ADARB2: variants seen among roughly 807,000 people sequenced by gnomAD.
ADARB2 encodes adenosine deaminase RNA specific B2 (inactive), also known as inactive double-stranded RNA-specific editase B2.
A neutral mutation model predicts 62.2 loss-of-function variants in ADARB2; 25 were observed. The observed-to-expected ratio is 0.40, with a 90% CI of 0.29 to 0.56. ADARB2 has a LOEUF of 0.56. Ranked by LOEUF, ADARB2 falls within the 20% of genes least tolerant of loss-of-function variation. The pLI is 0.43. For synonymous variants in ADARB2, 572 were observed against 500.8 expected (o/e 1.14, Z -1.90); for missense variants, 1,071 against 1,077.4 (o/e 0.99, Z 0.08).
intron 1 of ADARB2, among the ~76,000 whole-genome samples, chr10:1,643,470 G>T (rs1443092015): frequency 3.9e-5 from 6 of 152,198 alleles, no homozygotes; most frequent in Non-Finnish European, 8.8e-5. Context: ...GTCACCTGGA[G>T]GGTGGCTGAT....
intron 1 of ADARB2, among the ~76,000 whole-genome samples, chr10:1,661,890 A>T (rs1834253364): frequency 6.6e-6 from 1 of 152,162 alleles, no homozygotes; most frequent in South Asian, 2.1e-4. Flanking sequence ...ACGGAACCGC[A>T]CTGCTGCTGG....
intron 3 of ADARB2, chr10:1,361,521 CA>C (rs1328048337): frequency 6.6e-6 from 1 of 152,144 alleles, no homozygotes; most frequent in Non-Finnish European, 1.5e-5. Flanking sequence ...GGATGTTCCA[CA>C]AGTACTTGAA....
At chr10:1,450,777 C>G (rs928110414) in intron 1 of ADARB2, among the ~76,000 whole-genome samples, 3 of 152,196 alleles carry the variant, frequency 2.0e-5, no homozygotes, top group African/African-American at 7.2e-5. Context: ...TTGGGGGCTG[C>G]AGGAGCATGC....
intron 2 of ADARB2, among the ~76,000 whole-genome samples, chr10:1,370,127 G>C (rs1832354787): frequency 6.6e-6 from 1 of 152,174 alleles, no homozygotes; most frequent in Admixed American, 6.5e-5. Context: ...TTTTATTCTA[G>C]AGATGCAAGG....
chr10:1,297,709 C>T (rs896596845), intron 3 of ADARB2, among the ~76,000 whole-genome samples: 7 of 152,318 alleles, frequency 4.6e-5, no homozygotes, highest in Non-Finnish European at 8.8e-5. Context: ...CTCATACAGC[C>T]TGTGTGCGCT....
intron 1 of ADARB2, among the ~76,000 whole-genome samples, chr10:1,732,183 T>C (rs919980007): frequency 6.6e-6 from 1 of 151,896 alleles, no homozygotes. Context: ...TATATACATA[T>C]ACATACATAC....
chr10:1,198,070 G>A (rs181302955), intron 8 of ADARB2, among the ~76,000 whole-genome samples: 5 of 152,368 alleles, frequency 3.3e-5, no homozygotes, highest in East Asian at 3.9e-4. Flanking sequence ...AGGATTCAGC[G>A]TTTGAGACAT....
chr10:1,207,855 T>TA (rs1837090289), intron 7 of ADARB2, among the ~76,000 whole-genome samples: 1 of 152,220 alleles, frequency 6.6e-6, no homozygotes, highest in Non-Finnish European at 1.5e-5. Flanking sequence ...TGATTAATCT[T>TA]AGAGACAAAA....
chr10:1,196,129 G>A (rs750423607), intron 8 of ADARB2, among the ~76,000 whole-genome samples: 24 of 151,642 alleles, frequency 1.6e-4, no homozygotes, highest in Middle Eastern at 3.4e-3. Flanking sequence ...AGGACTCTGC[G>A]CAGTGTCACC....
chr10:1,234,973 C>G (rs1019786895), intron 5 of ADARB2, among the ~76,000 whole-genome samples: 1 of 152,090 alleles, frequency 6.6e-6, no homozygotes, highest in African/African-American at 2.4e-5. Context: ...TTTTGAACTC[C>G]TGACTTCAGG....
intron 1 of ADARB2, among the ~76,000 whole-genome samples, chr10:1,682,654 C>T (rs1348476133): frequency 6.6e-6 from 1 of 152,316 alleles, no homozygotes; most frequent in Non-Finnish European, 1.5e-5. Flanking sequence ...AGGGTTCAAA[C>T]GCATTGTGTC....
At chr10:1,439,470 G>T (rs1830875868) in intron 1 of ADARB2, among the ~76,000 whole-genome samples, 1 of 137,674 alleles carries the variant, frequency 7.3e-6, no homozygotes, top group South Asian at 2.4e-4. Flanking sequence ...ATGGAGGCAG[G>T]TCCTTCACTA....
In ADARB2 at chr10:1,476,400, G is replaced by A. The variant is rs573632963; in HGVS notation, c.101-97240C>T. On this transcript the variant is annotated intron_variant, in intron 1 of 9. Coordinates refer to ENST00000381312, the MANE Select transcript of ADARB2 (RefSeq NM_018702.4). ...GAGTGGGAAGAAGGCCACACCTGGG[G>A]CTCAGGTGGTTGCTTTCAGTGTCCT... Among the ~76,000 whole-genome samples, 175 of 152,300 alleles carry A rather than the reference G, an allele frequency of 1.1e-3. 1 individual carries two copies. The highest frequency in any genetic ancestry group is 5.9e-3 in the Admixed American group (90 of 15,308).
At chr10:1,378,197 C>CT (rs1832451158) in intron 2 of ADARB2, among the ~76,000 whole-genome samples, 1 of 152,226 alleles carries the variant, frequency 6.6e-6, no homozygotes, top group African/African-American at 2.4e-5. Context: ...ATCCTCACCC[C>CT]TGCAGTCTGC....
chr10:1,356,949 C>T lies in ADARB2; in HGVS notation c.1077+6079G>A, dbSNP rs76300637. 4.2e-3 allele frequency among the ~76,000 whole-genome samples: 634 copies of T among 152,334 alleles called. 5 individuals are homozygous for T. The highest frequency in any genetic ancestry group is 0.01 in the Middle Eastern group (3 of 294). ...GAGTTACACACTGAGACCTTTGCCA[C>T]GACAGAAATGACGTTCGTTTTAACC... is the stretch of plus-strand genomic sequence containing the variant. On this transcript the variant is annotated intron_variant, in intron 3 of 9. Transcript: ENST00000381312.
At chr10:1,569,865 T>C (rs1218948578) in intron 1 of ADARB2, among the ~76,000 whole-genome samples, 1 of 152,198 alleles carries the variant, frequency 6.6e-6, no homozygotes, top group Non-Finnish European at 1.5e-5. Flanking sequence ...GCACTGCTTG[T>C]TTTTTATCCC....
intron 3 of ADARB2, among the ~76,000 whole-genome samples, chr10:1,321,493 G>A (rs138806062): frequency 0.017 from 2,571 of 152,094 alleles, 66 homozygotes; most frequent in African/African-American, 0.057. Context: ...TGATCCTCCC[G>A]CCTCAGCCTC....
At chr10:1,609,742 G>T (rs1161130209) in intron 1 of ADARB2, among the ~76,000 whole-genome samples, 1 of 152,196 alleles carries the variant, frequency 6.6e-6, no homozygotes, top group Non-Finnish European at 1.5e-5. Flanking sequence ...CCACACACTG[G>T]GCTCTACTGG....
chr10:1,546,649 A>C (rs1832524793), intron 1 of ADARB2, among the ~76,000 whole-genome samples: 1 of 152,266 alleles, frequency 6.6e-6, no homozygotes, highest in Non-Finnish European at 1.5e-5. Flanking sequence ...CCCTTAAGGC[A>C]GATGCTAAAG....
Sources: gnomAD v4.1 joint callset for allele counts (sites outside exome capture counted in the v4.1 genomes callset) on GRCh38, gnomAD v4.1.1 for gene constraint, MANE v1.5 for transcripts, NCBI Gene and HGNC (gene_info 2026-07-23, HGNC 2026-07-21) for gene names.